CNTN5: variants seen among roughly 807,000 people sequenced by gnomAD.
CNTN5 encodes contactin-5.
In CNTN5, 77 loss-of-function variants were observed where a neutral mutation model predicts 129.1. The ratio of observed to expected loss-of-function variants is 0.60; its 90% CI spans 0.50 to 0.72. The LOEUF (loss-of-function observed/expected upper bound fraction) is 0.72. CNTN5 is among the 30% of genes least tolerant of loss of function. The probability of loss-of-function intolerance (pLI) is 0.00; values close to 1 mark genes in which losing one functional copy is unlikely to be tolerated. For synonymous variants in CNTN5, 509 were observed against 465.6 expected, an observed-to-expected ratio of 1.09 and a Z score of -1.20; for missense variants, 1,478 against 1,328.8, an observed-to-expected ratio of 1.11 and a Z score of -1.75.
intron 3 of CNTN5, among the ~76,000 whole-genome samples, chr11:99,569,329 T>A (rs1469160405): frequency 7.4e-6 from 1 of 134,468 alleles, no homozygotes; most frequent in East Asian, 2.0e-4. Flanking sequence ...TTATTTATTT[T>A]TTGAGGCAGA....
intron 2 of CNTN5, among the ~76,000 whole-genome samples, chr11:99,357,853 A>C (rs950921297): frequency 6.6e-6 from 1 of 151,072 alleles, no homozygotes; most frequent in Non-Finnish European, 1.5e-5. Context: ...AGACTCTACT[A>C]GTGTCTCCTT....
chr11:99,101,378 C>G (rs545236783), intron 1 of CNTN5, among the ~76,000 whole-genome samples: 1 of 152,320 alleles, frequency 6.6e-6, no homozygotes, highest in East Asian at 1.9e-4. Flanking sequence ...GCATTCCCAA[C>G]AGTCCCCCAA....
intron 3 of CNTN5, among the ~76,000 whole-genome samples, chr11:99,748,013 T>C (rs1027327152): frequency 2.0e-5 from 3 of 152,172 alleles, no homozygotes; most frequent in African/African-American, 7.2e-5. Context: ...GTATCACATT[T>C]ATTGATTTGT....
intron 4 of CNTN5, among the ~76,000 whole-genome samples, chr11:99,834,562 T>G (rs1591279618): frequency 6.6e-6 from 1 of 152,260 alleles, no homozygotes; most frequent in African/African-American, 2.4e-5. Flanking sequence ...ACGATTGCAC[T>G]TTTATTTGTC....
chr11:99,706,023 A>C (rs559683558), intron 3 of CNTN5, among the ~76,000 whole-genome samples: 1 of 151,558 alleles, frequency 6.6e-6, no homozygotes, highest in Non-Finnish European at 1.5e-5. Flanking sequence ...TTAAAAATAT[A>C]TATTAATCAT....
At position 100,171,481 on chromosome 11, in the gene CNTN5, T is replaced by TGTCA. The variant is rs562714292; in HGVS notation, c.1581-19643_1581-19640dup. ...CTTTTTAGTCAGCATTAAGAAATAC[T>TGTCA]GTCAGGCTTCATGTCCAAGTTAATG... On this transcript the variant is annotated intron_variant, in intron 13 of 24. Coordinates refer to ENST00000524871, the MANE Select transcript of CNTN5 (RefSeq NM_014361.4). Among the ~76,000 whole-genome samples, 101 of 152,202 alleles carry TGTCA rather than the reference T, an allele frequency of 6.6e-4. 1 individual carries two copies. The highest frequency in any genetic ancestry group is 2.4e-3 in the African/African-American group (99 of 41,566).
chr11:99,643,764 G>T (rs888033275), intron 3 of CNTN5, among the ~76,000 whole-genome samples: 1 of 152,048 alleles, frequency 6.6e-6, no homozygotes, highest in East Asian at 1.9e-4. Flanking sequence ...CCTTCTAATG[G>T]AATGGAATTG....
chr11:99,779,024 C>A (rs1353791721), intron 3 of CNTN5, among the ~76,000 whole-genome samples: 1 of 151,644 alleles, frequency 6.6e-6, no homozygotes, highest in Non-Finnish European at 1.5e-5. Flanking sequence ...CCATTTTATA[C>A]CTCATCAGAA....
chr11:100,293,758 C>T (rs950494470), intron 18 of CNTN5, among the ~76,000 whole-genome samples: 1 of 151,642 alleles, frequency 6.6e-6, no homozygotes, highest in Non-Finnish European at 1.5e-5. Context: ...ACAAGAAAAC[C>T]TTTACCGTTT....
chr11:99,750,068 G>T (rs1944181137), intron 3 of CNTN5, among the ~76,000 whole-genome samples: 1 of 152,114 alleles, frequency 6.6e-6, no homozygotes. Flanking sequence ...CTCGTCTGTG[G>T]ATTGATATAT....
chr11:99,588,198 G>T (rs2135654743), intron 3 of CNTN5, among the ~76,000 whole-genome samples: 1 of 152,208 alleles, frequency 6.6e-6, no homozygotes, highest in East Asian at 1.9e-4. Flanking sequence ...CAAAAAATTA[G>T]CTGGGCCTAT....
intron 21 of CNTN5, among the ~76,000 whole-genome samples, chr11:100,313,443 A>G (rs1474132206): frequency 1.2e-5 from 1 of 83,370 alleles, no homozygotes; most frequent in Admixed American, 1.0e-4. Flanking sequence ...AAATTGTGCC[A>G]TTTACAAAAA....
rs115954992 is a variant in CNTN5 at position 99,138,041 on chromosome 11, G to C, written c.-210+116771G>C. Among the ~76,000 whole-genome samples, 1,286 of 152,176 alleles carry C rather than the reference G, an allele frequency of 8.5e-3. 20 individuals are homozygous for C. The highest frequency in any genetic ancestry group is 0.029 in the African/African-American group (1,194 of 41,526). ...AGAGTTAACAATTTTTCACTTTTGAGCTAGCAAAAGTTTTTAGCTGATTTC... is the reference window on the plus strand; with the variant it reads ...AGAGTTAACAATTTTTCACTTTTGACCTAGCAAAAGTTTTTAGCTGATTTC... On this transcript the variant is annotated intron_variant, in intron 1 of 24. Coordinates refer to ENST00000524871, the MANE Select transcript of CNTN5 (RefSeq NM_014361.4).
At chr11:99,425,814 C>T (rs900799174) in intron 2 of CNTN5, among the ~76,000 whole-genome samples, 1 of 152,216 alleles carries the variant, frequency 6.6e-6, no homozygotes, top group Non-Finnish European at 1.5e-5. Flanking sequence ...TCCACCTGTT[C>T]CTCACCTCTG....
chr11:100,002,583 C>G (rs960266785), intron 9 of CNTN5, among the ~76,000 whole-genome samples: 3 of 152,002 alleles, frequency 2.0e-5, no homozygotes, highest in Non-Finnish European at 4.4e-5. Flanking sequence ...TGTGTATTAC[C>G]TTAGTATCTC....
At chr11:99,073,882 T>C (rs915299338) in intron 1 of CNTN5, among the ~76,000 whole-genome samples, 8 of 152,162 alleles carry the variant, frequency 5.3e-5, no homozygotes, top group African/African-American at 1.9e-4. Flanking sequence ...ATCCTTTGGG[T>C]ATATACTCAG....
intron 13 of CNTN5, among the ~76,000 whole-genome samples, chr11:100,188,009 A>G (rs1948354938): frequency 6.6e-6 from 1 of 152,216 alleles, no homozygotes; most frequent in African/African-American, 2.4e-5. Flanking sequence ...ACCCTGCAGA[A>G]TGGGAGAAAA....
chr11:100,176,841 C>A (rs2138431856), intron 13 of CNTN5, among the ~76,000 whole-genome samples: 1 of 115,956 alleles, frequency 8.6e-6, no homozygotes, highest in Non-Finnish European at 1.8e-5. Context: ...GAGTATATTT[C>A]ATATAGTATG....
intron 2 of CNTN5, among the ~76,000 whole-genome samples, chr11:99,476,605 T>G (rs1428337186): frequency 6.6e-6 from 1 of 152,170 alleles, no homozygotes; most frequent in Non-Finnish European, 1.5e-5. Context: ...AATTGGCATA[T>G]GTAGCAATAA....
Sources: gnomAD v4.1 joint callset for allele counts (sites outside exome capture counted in the v4.1 genomes callset) on GRCh38, gnomAD v4.1.1 for gene constraint, MANE v1.5 for transcripts, NCBI Gene and HGNC (gene_info 2026-07-23, HGNC 2026-07-21) for gene names.